Variants in HEATR1 observed in about 807,000 individuals in gnomAD.
HEATR1 encodes the protein HEAT repeat-containing protein 1.
HEATR1 carries 77 observed loss-of-function variants against 248.2 expected under a neutral mutation model. The ratio of observed to expected loss-of-function variants is 0.31; its 90% confidence interval spans 0.26 to 0.37. The LOEUF is 0.37. HEATR1 is among the 10% of genes least tolerant of loss of function. The pLI, the probability that HEATR1 is intolerant of heterozygous loss-of-function variation, is 1.00. For missense variants in HEATR1, 2,420 were observed against 2,504.9 expected, an observed-to-expected ratio of 0.97 and a Z score of 0.72; for synonymous variants, 897 against 923.1, an observed-to-expected ratio of 0.97 and a Z score of 0.51.
chr1:236,600,539 A>ATT (rs112529952), intron 3 of HEATR1, among the ~76,000 whole-genome samples: 1 of 137,272 alleles, frequency 7.3e-6, no homozygotes, highest in Non-Finnish European at 1.6e-5. Flanking sequence ...CTTTTATTAG[A>ATT]TTTTTTTTTT....
At chr1:236,564,774 A>T in intron 31 of HEATR1, 113 bp from the exon 32 acceptor site, 1 of 1,007,382 alleles carries the variant, frequency 9.9e-7, no homozygotes, top group Non-Finnish European at 1.4e-6. Context: ...ACATTTTCCC[A>T]GAGAAATGTG....
Position 236,549,772 on chromosome 1 carries a change from ACT to A in HEATR1, c.*1128_*1129del, listed in dbSNP as rs1662632398. On this transcript the variant is annotated 3_prime_UTR_variant, in exon 45 of 45. Coordinates refer to ENST00000366582, the MANE Select transcript of HEATR1 (RefSeq NM_018072.6). ...GAGGCATTTAGGAAAAAAATAGCCC[ACT>A]CACATCATTCCTTGTAAGTCTTAAG... 1 of 152,166 alleles carries A rather than the reference ACT, an allele frequency of 6.6e-6. No homozygotes were observed. Among genetic ancestry groups the A allele is most frequent in the African/African-American group, 2.4e-5 (1 of 41,440 alleles). 9.4% of individuals were successfully genotyped at this position (152,166 alleles called of 1,614,324 possible). A position where few individuals can be genotyped will look rare whatever the true frequency, so the allele number is the denominator to read the frequency against.
rs1301811097 is a variant in HEATR1, at chr1:236,572,487, G to T, written c.3631C>A (p.Leu1211Met). 1 of 1,613,728 alleles carries T rather than the reference G, an allele frequency of 6.2e-7. No homozygotes were observed. Among genetic ancestry groups the T allele is most frequent in the African/African-American group, 1.3e-5 (1 of 74,922 alleles). ...TTCTTTTTGTGCTGCAGTAATTCCA[G>T]GATGAGAGTTACTCTTTGCCAGTAA... ...GSYWQRVTLI[L>M]ELLQHKKKLR... Residue 1211 changes from leucine (L) to methionine (M), a missense_variant, in exon 26 of 45, where the codon CTG becomes ATG. Coordinates refer to ENST00000366582, the MANE Select transcript of HEATR1 (RefSeq NM_018072.6).
intron 8 of HEATR1, among the ~76,000 whole-genome samples, 157 bp downstream of exon 8, chr1:236,595,383 C>G (rs1395078481): frequency 6.6e-6 from 1 of 152,138 alleles, no homozygotes; most frequent in Non-Finnish European, 1.5e-5. Flanking sequence ...ACCTGCTCCC[C>G]ACCCCAGATG....
At chr1:236,584,201 A>G (rs1663826342) in intron 17 of HEATR1, among the ~76,000 whole-genome samples, 1 of 152,184 alleles carries the variant, frequency 6.6e-6, no homozygotes, top group Non-Finnish European at 1.5e-5. Flanking sequence ...ACATATGTAT[A>G]ATAAAACACT....
Position 236,568,515 on chromosome 1 carries a change from A to G in HEATR1, c.4077+481T>C, listed in dbSNP as rs1245336410. ...TTTGAATTGTTCATTCCTTACTGGG[A>G]GAGAGAACATCTCACCTCTCTCTCT... is the stretch of plus-strand genomic sequence containing the variant. On this transcript the variant is annotated intron_variant, in intron 29 of 44. Coordinates refer to ENST00000366582, the MANE Select transcript of HEATR1 (RefSeq NM_018072.6). Among the ~76,000 whole-genome samples, 5 of 152,204 alleles carry G rather than the reference A, an allele frequency of 3.3e-5. 1 individual carries two copies. The highest frequency in any genetic ancestry group is 2.0e-4 in the Admixed American group (3 of 15,276).
Position 236,574,659 on chromosome 1 carries a change from AC to A in HEATR1, c.3327+1del. The A allele has an allele frequency of 6.2e-7, 1 of 1,610,556 alleles. No individual in the cohort carries two copies. The highest frequency in any genetic ancestry group is 8.5e-7 in the Non-Finnish European group (1 of 1,178,596). ...CCTTAGTTTCTGAAAGAAATCACTGACCTTTTCAAGGGCTGTGATCTGAATG... is the reference window on the plus strand; with the variant it reads ...CCTTAGTTTCTGAAAGAAATCACTGACTTTTCAAGGGCTGTGATCTGAATG... On this transcript the variant is annotated splice_donor_variant, in intron 23 of 44. Transcript: ENST00000366582. LOFTEE classifies it high-confidence loss of function.
At chr1:236,577,762 A>T (rs529126693) in intron 20 of HEATR1, among the ~76,000 whole-genome samples, 1 of 152,290 alleles carries the variant, frequency 6.6e-6, no homozygotes, top group Non-Finnish European at 1.5e-5. Context: ...TGCTGGGATT[A>T]TAGGTGTGAG....
At chr1:236,559,683 A>G in intron 34 of HEATR1, 31 bp downstream of exon 34, 1 of 1,566,254 alleles carries the variant, frequency 6.4e-7, no homozygotes, top group Non-Finnish European at 8.7e-7. Context: ...CAGCAACAAA[A>G]CAGTAATTCC....
chr1:236,599,210 G>C (rs570691328), intron 4 of HEATR1, among the ~76,000 whole-genome samples: 17 of 152,212 alleles, frequency 1.1e-4, no homozygotes, highest in African/African-American at 3.9e-4. Flanking sequence ...ATAGTTATGT[G>C]AACTTTGGCA....
At chr1:236,585,673 T>A (rs1044893895) in intron 16 of HEATR1, 147 bp downstream of exon 16, 3 of 642,556 alleles carry the variant, frequency 4.7e-6, no homozygotes, top group Non-Finnish European at 5.2e-6. Context: ...CAGAATATAT[T>A]AAACAACACT....
In HEATR1 at chr1:236,581,434, A is replaced by G; in HGVS notation, c.2563-20T>C. The G allele has an allele frequency of 7.8e-7, 1 of 1,286,596 alleles. No homozygotes were observed. Among genetic ancestry groups the G allele is most frequent in the Non-Finnish European group, 1.1e-6 (1 of 942,774 alleles). 79.7% of individuals were successfully genotyped at this position (1,286,596 alleles called of 1,614,324 possible). On this transcript the variant is annotated intron_variant, in intron 19 of 44. Coordinates refer to ENST00000366582, the MANE Select transcript of HEATR1 (RefSeq NM_018072.6). ...ATGCACCTAATTAAAAAAAAAAAAA[A>G]GCAAACTTTTAATTCTTACTCAAAT... is the stretch of plus-strand genomic sequence containing the variant.
chr1:236,571,374 C>T lies in HEATR1; in HGVS notation c.3925G>A (p.Gly1309Ser). Residue 1309 changes from glycine (G) to serine (S), a missense_variant, in exon 28 of 45, where the codon GGC (glycine) becomes AGC (serine). Coordinates refer to ENST00000366582, the MANE Select transcript of HEATR1 (RefSeq NM_018072.6). Reference protein sequence around the residue: ...QTHHHALLLLGTVAGIFPDKV... With the variant: ...QTHHHALLLLSTVAGIFPDKV... ...ACCGGAAATATTCCAGCAACAGTGCCCAAAAGTAAAAGGGCATGGTGATGG... is the reference window on the plus strand; with the variant it reads ...ACCGGAAATATTCCAGCAACAGTGCTCAAAAGTAAAAGGGCATGGTGATGG... 6.2e-7 allele frequency: 1 copy of T among 1,601,056 alleles called. No homozygotes were observed. Among genetic ancestry groups the T allele is most frequent in the Non-Finnish European group, 8.5e-7 (1 of 1,177,000 alleles).
intron 44 of HEATR1, chr1:236,551,273 C>G (rs549183623): frequency 5.7e-5 from 23 of 400,164 alleles, no homozygotes; most frequent in Admixed American, 1.7e-4. Flanking sequence ...ACACCTCCCC[C>G]CTCCAAGAGC....
intron 3 of HEATR1, 21 bp from the exon 4 acceptor site, chr1:236,599,645 G>A (rs760838926): frequency 6.3e-7 from 1 of 1,585,340 alleles, no homozygotes; most frequent in South Asian, 1.2e-5. Flanking sequence ...AAAGCAAACA[G>A]TCCAACTGAA....
chr1:236,554,607 C>T lies in HEATR1; in HGVS notation c.6069G>A (p.Leu2023=). The change falls in exon 42 of 45, where the codon CTG becomes CTA. Residue 2023 remains leucine, a synonymous_variant. Transcript: ENST00000366582. ...GATTCTGTTTGGTTACCTGATCCAC[C>T]AGAGGCATCATCAAGGCTTCTGCTC... ...KERAEALMMP[L]VDQLENRLGG... The T allele has an allele frequency of 6.2e-7, 1 of 1,610,744 alleles. No individual in the cohort carries two copies. The highest frequency in any genetic ancestry group is 8.5e-7 in the Non-Finnish European group (1 of 1,179,196).
chr1:236,555,841 G>A lies in HEATR1; in HGVS notation c.5613C>T (p.Phe1871=), dbSNP rs147130054. ...GGGCTCGGAAGTCCAGGGCTTCCAGGAAAAAGGCGGTTAGCTGAGACTGAT... is the reference window on the plus strand; with the variant it reads ...GGGCTCGGAAGTCCAGGGCTTCCAGAAAAAAGGCGGTTAGCTGAGACTGAT... The part of the protein sequence containing the change: ...TSHQSQLTAF[F]LEALDFRAQH... The change falls in exon 39 of 45, where the codon TTC becomes TTT. Residue 1871 remains phenylalanine, a synonymous_variant. Transcript: ENST00000366582. 3.8e-5 allele frequency: 62 copies of A among 1,613,684 alleles called. No individual in the cohort carries two copies. In the African/African-American group the frequency reaches 7.5e-4, roughly 19 times the overall value.
rs1664072631 is a variant in HEATR1 at position 236,592,693 on chromosome 1, A to G, written c.1194-60T>C. 7 of 654,866 alleles carry G rather than the reference A, an allele frequency of 1.1e-5. 1 individual carries two copies. The highest frequency in any genetic ancestry group is 5.6e-5 in the East Asian group (2 of 35,772). The allele number at this position is 654,866 out of a possible 1,614,324, so 40.6% of individuals were successfully genotyped here. ...AAGAGTTACTATTTATTGAGTACCT[A>G]CTATATTCTAAGTGCTTTAGAAATA... is the stretch of plus-strand genomic sequence containing the variant. On this transcript the variant is annotated intron_variant, in intron 9 of 44. Transcript: ENST00000366582.
chr1:236,590,556 C>A (rs1168064194), intron 12 of HEATR1, among the ~76,000 whole-genome samples: 6 of 152,082 alleles, frequency 3.9e-5, no homozygotes, highest in African/African-American at 1.4e-4. Context: ...TAAAAAAATT[C>A]TCAGATAATT....
Sources: allele counts gnomAD v4.1 joint callset (sites outside exome capture counted in the v4.1 genomes callset), GRCh38; gene constraint gnomAD v4.1.1; transcripts MANE v1.5; gene names NCBI Gene and HGNC (gene_info 2026-07-23, HGNC 2026-07-21).